FAN1: variants seen among roughly 807,000 people sequenced by gnomAD.
FAN1 encodes fanconi-associated nuclease 1.
A neutral mutation model predicts 104.9 loss-of-function variants in FAN1; 91 were observed. That is an observed-to-expected ratio of 0.87 (90% CI 0.73 to 1.03). The LOEUF is 1.03. Among genes scored for constraint, FAN1 ranks in the 50% least tolerant of loss-of-function variants. The pLI, the probability that FAN1 is intolerant of heterozygous loss-of-function variation, is 0.00. For missense variants in FAN1, 1,263 were observed against 1,239.9 expected, an observed-to-expected ratio of 1.02 and a Z score of -0.28; for synonymous variants, 478 against 457.6, an observed-to-expected ratio of 1.04 and a Z score of -0.57.
chr15:30,917,116 T>G (rs1303067868), intron 5 of FAN1, among the ~76,000 whole-genome samples: 2 of 152,118 alleles, frequency 1.3e-5, no homozygotes, highest in Non-Finnish European at 2.9e-5. Context: ...TGAGGCAGTT[T>G]GGAAGCAGTA....
chr15:30,940,769 T>G, intron 14 of FAN1: 1 of 987,986 alleles, frequency 1.0e-6, no homozygotes, highest in Non-Finnish European at 1.2e-6. Context: ...ACCCCAATTT[T>G]AAAAAGTGAA....
In FAN1 at chr15:30,920,538, A is replaced by AT; in HGVS notation, c.1944-3dup. On this transcript the variant is annotated splice_region_variant and splice_polypyrimidine_tract_variant and intron_variant, in intron 6 of 14. Transcript: ENST00000362065. Reference sequence around the variant, plus strand: ...TATTAAACTACTGGTATATGTCTTCATTTTAGATGCCACGAAGATTTACCA... The same window carrying AT: ...TATTAAACTACTGGTATATGTCTTCATTTTTAGATGCCACGAAGATTTACCA... The AT allele has an allele frequency of 6.3e-7, 1 of 1,590,622 alleles. No individual in the cohort carries two copies. Among genetic ancestry groups the AT allele is most frequent in the Non-Finnish European group, 8.6e-7 (1 of 1,160,634 alleles).
rs368750030 is a variant in FAN1 at position 30,925,776 on chromosome 15, G to A, written c.2338-13G>A. On this transcript the variant is annotated splice_polypyrimidine_tract_variant and intron_variant, in intron 9 of 14. Transcript: ENST00000362065. Reference sequence around the variant, plus strand: ...ACCTGAGGCTAATAGATGTTATTCTGCTGCTGTTTCAGGTGACCATCACAG... The same window carrying A: ...ACCTGAGGCTAATAGATGTTATTCTACTGCTGTTTCAGGTGACCATCACAG... 1 of 1,613,842 alleles carries A rather than the reference G, an allele frequency of 6.2e-7. No individual in the cohort carries two copies. The highest frequency in any genetic ancestry group is 2.2e-5 in the East Asian group (1 of 44,886).
In FAN1 at chr15:30,910,650, T is replaced by C; in HGVS notation, c.1412T>C (p.Leu471Pro). 1 of 1,613,090 alleles carries C rather than the reference T, an allele frequency of 6.2e-7. No homozygotes were observed. The highest frequency in any genetic ancestry group is 8.5e-7 in the Non-Finnish European group (1 of 1,179,404). Residue 471 changes from leucine to proline, a missense_variant, in exon 4 of 15, where the codon CTC (leucine) becomes CCC (proline). By Grantham distance (98) the Leu-to-Pro change is moderately conservative. This residue lies in a region of FAN1 where 682 missense variants were observed against 571.1 expected (regional missense o/e 1.19). Transcript: ENST00000362065. ...ELQELSEVLELLSAPELKSLA... is the reference protein window; with the variant it reads ...ELQELSEVLEPLSAPELKSLA... ...CAAGAACTCTCTGAAGTGCTTGAAC[T>C]CCTTTCTGCTCCTGAACTAAAATCC...
At chr15:30,925,043 A>G (rs929826761) in intron 8 of FAN1, 84 bp from the exon 9 acceptor site, 4 of 1,403,806 alleles carry the variant, frequency 2.8e-6, no homozygotes, top group Non-Finnish European at 3.9e-6. Flanking sequence ...AATAATAAAC[A>G]GTGGGCTTTT....
chr15:30,939,672 G>A, intron 14 of FAN1: 1 of 878,688 alleles, frequency 1.1e-6, no homozygotes, highest in Non-Finnish European at 1.4e-6. Context: ...AAACGTGAAG[G>A]AAGAAAATTA....
At position 30,942,197 on chromosome 15, in the gene FAN1, C is replaced by T; in HGVS notation, c.*635C>T. 2 of 1,193,128 alleles carry T rather than the reference C, an allele frequency of 1.7e-6. No homozygotes were observed. Among genetic ancestry groups the T allele is most frequent in the Non-Finnish European group, 2.3e-6 (2 of 854,264 alleles). 73.9% of individuals were successfully genotyped at this position (1,193,128 alleles called of 1,614,324 possible). A position where few individuals can be genotyped will look rare whatever the true frequency, so the allele number is the denominator to read the frequency against. On this transcript the variant is annotated 3_prime_UTR_variant, in exon 15 of 15. Transcript: ENST00000362065. ...GAATTTCAGCCTCAAAGAACATTTTCCTCCCTTCCTTTGTGTCCTTATTCT... is the reference window on the plus strand; with the variant it reads ...GAATTTCAGCCTCAAAGAACATTTTTCTCCCTTCCTTTGTGTCCTTATTCT...
intron 5 of FAN1, among the ~76,000 whole-genome samples, chr15:30,915,867 T>C (rs1026556831): frequency 6.6e-6 from 1 of 152,194 alleles, no homozygotes; most frequent in African/African-American, 2.4e-5. Context: ...GAAAAATTAA[T>C]TTGGATTTCC....
chr15:30,905,792 C>T lies in FAN1; in HGVS notation c.1129C>T (p.Arg377Trp), dbSNP rs151322829. The change falls in exon 2 of 15, where the codon CGG becomes TGG. Residue 377 changes from arginine to tryptophan, a missense_variant. Transcript: ENST00000362065. ...AACAACCGGTCATCCTTACTACCTT[C>T]GGAGTTTCCTTGTGGTGCTGAAAAC... ...GQTTGHPYYLRSFLVVLKTVL... is the reference protein window; with the variant it reads ...GQTTGHPYYLWSFLVVLKTVL... 9,676 of 1,614,198 alleles carry T rather than the reference C, an allele frequency of 6.0e-3. 42 individuals carry two copies. Among genetic ancestry groups the T allele is most frequent in the Non-Finnish European group, 7.3e-3 (8,638 of 1,180,030 alleles).
rs769964560 is a variant in FAN1 at position 30,928,651 on chromosome 15, T to A, written c.2587T>A (p.Cys863Ser). Residue 863 changes from cysteine to serine, a missense_variant, in exon 11 of 15, where the codon TGT (cysteine) becomes AGT (serine). Physicochemically the swap from Cys to Ser is moderately radical, Grantham distance 112. Transcript: ENST00000362065. Reference protein sequence around the residue: ...DGIPDVFRNACQAFPLDLCTD... With the variant: ...DGIPDVFRNASQAFPLDLCTD... ...GATTCCGGATGTCTTCAGAAACGCC[T>A]GTCAGGTACTCCAGTGCCCCTGCCC... is the stretch of plus-strand genomic sequence containing the variant. 5.0e-6 allele frequency: 8 copies of A among 1,614,042 alleles called. No homozygotes were observed. Among genetic ancestry groups the A allele is most frequent in the Non-Finnish European group, 6.8e-6 (8 of 1,179,976 alleles).
intron 13 of FAN1, among the ~76,000 whole-genome samples, chr15:30,936,566 T>C (rs144524544): frequency 3.4e-4 from 52 of 152,362 alleles, no homozygotes; most frequent in African/African-American, 1.3e-3. Context: ...AATAGAAGAA[T>C]TTCTGAATAA....
At chr15:30,925,984 C>G (rs370520067) in intron 10 of FAN1, 45 bp downstream of exon 10, 1 of 1,600,774 alleles carries the variant, frequency 6.2e-7, no homozygotes, top group Non-Finnish European at 8.5e-7. Flanking sequence ...CCCGGGTGGA[C>G]GAGCAGCAGC....
intron 5 of FAN1, among the ~76,000 whole-genome samples, chr15:30,917,227 T>C (rs1427674149): frequency 6.6e-6 from 1 of 151,894 alleles, no homozygotes; most frequent in Non-Finnish European, 1.5e-5. Flanking sequence ...GTGAAGGGGA[T>C]TGGGAGAGGT....
chr15:30,930,398 C>A, intron 12 of FAN1, 145 bp from the exon 13 acceptor site: 1 of 896,586 alleles, frequency 1.1e-6, no homozygotes, highest in Non-Finnish European at 1.6e-6. Flanking sequence ...CTGGTACAAG[C>A]AGCAGAACAG....
chr15:30,911,095 T>G, intron 4 of FAN1: 1 of 1,178,558 alleles, frequency 8.5e-7, no homozygotes, highest in Non-Finnish European at 1.1e-6. Flanking sequence ...AAAATACAGT[T>G]TTAAGTGATT....
Position 30,942,027 on chromosome 15 carries a change from TC to T in FAN1, c.*466del. The T allele has an allele frequency of 1.9e-6, 3 of 1,614,030 alleles. No homozygotes were observed. The highest frequency in any genetic ancestry group is 2.5e-6 in the Non-Finnish European group (3 of 1,179,886). Reference sequence around the variant, plus strand: ...AATTCTTGGTCACTGATGATTCCATTCTTTAAGGCAGACGGCATTCCTCTTA... The same window carrying T: ...AATTCTTGGTCACTGATGATTCCATTTTTAAGGCAGACGGCATTCCTCTTA... On this transcript the variant is annotated 3_prime_UTR_variant, in exon 15 of 15. Transcript: ENST00000362065.
chr15:30,920,835 GGT>G (rs1288507443), intron 7 of FAN1, among the ~76,000 whole-genome samples, 182 bp downstream of exon 7: 1 of 152,146 alleles, frequency 6.6e-6, no homozygotes, highest in Non-Finnish European at 1.5e-5. Context: ...CCTAGGCTGG[GGT>G]GCAGTGGCAG....
rs901275456 is a variant in FAN1 at position 30,939,307 on chromosome 15, T to A, written c.*3+2048T>A. On this transcript the variant is annotated intron_variant, in intron 14 of 14. Transcript: ENST00000362065. ...ATTTCACCCAGTGCATCAGCATCTG[T>A]GCGGCATTCCCTCAGCACGGGCTCT... 6.1e-6 allele frequency: 6 copies of A among 985,358 alleles called. No individual in the cohort carries two copies. In the African/African-American group the frequency reaches 1.0e-4, roughly 17 times the overall value. 61.0% of individuals were successfully genotyped at this position (985,358 alleles called of 1,614,324 possible).
At chr15:30,920,695 T>C in intron 7 of FAN1, 42 bp downstream of exon 7, 1 of 1,211,032 alleles carries the variant, frequency 8.3e-7, no homozygotes, top group Non-Finnish European at 1.2e-6. Flanking sequence ...ACTGATGTGA[T>C]GGCGTTAAAC....
Sources: gnomAD v4.1 joint callset for allele counts (sites outside exome capture counted in the v4.1 genomes callset) on GRCh38, gnomAD v4.1.1 for gene constraint, gnomAD v4.1.1 regional missense constraint, MANE v1.5 for transcripts, NCBI Gene and HGNC (gene_info 2026-07-23, HGNC 2026-07-21) for gene names.